Variants in PITPNM2 observed in about 807,000 individuals in gnomAD.
PITPNM2 encodes membrane-associated phosphatidylinositol transfer protein 2.
A neutral mutation model predicts 132.2 loss-of-function variants in PITPNM2; 35 were observed. The ratio of observed to expected loss-of-function variants is 0.26; its 90% confidence interval spans 0.20 to 0.35. The LOEUF (loss-of-function observed/expected upper bound fraction) is 0.35. Among genes scored for constraint, PITPNM2 ranks in the 10% least tolerant of loss-of-function variants. The pLI is 1.00. For synonymous variants in PITPNM2, 738 were observed against 799.2 expected (o/e 0.92, Z 1.29); for missense variants, 1,332 against 1,912.0 (o/e 0.70, Z 5.66).
rs2040210127 is a variant in PITPNM2 at position 123,034,647 on chromosome 12, G to A, written c.-57C>T. 6.7e-7 allele frequency: 1 copy of A among 1,503,700 alleles called. No homozygotes were observed. Among genetic ancestry groups the A allele is most frequent in the South Asian group, 1.1e-5 (1 of 88,704 alleles). The allele number at this position is 1,503,700 out of a possible 1,614,324, so 93.1% of individuals were successfully genotyped here. A position where few individuals can be genotyped will look rare whatever the true frequency, so the allele number is the denominator to read the frequency against. ...ACTGCAAGTTGGGACTTCTAGGCAAGGTTCCTTAAATAACCATGACAAAAT... is the reference window on the plus strand; with the variant it reads ...ACTGCAAGTTGGGACTTCTAGGCAAAGTTCCTTAAATAACCATGACAAAAT... On this transcript the variant is annotated 5_prime_UTR_variant, in exon 3 of 26. Coordinates refer to ENST00000320201, the MANE Select transcript of PITPNM2 (RefSeq NM_020845.3).
chr12:123,049,991 G>A (rs550158510), intron 2 of PITPNM2, among the ~76,000 whole-genome samples: 27 of 152,324 alleles, frequency 1.8e-4, no homozygotes, highest in Admixed American at 1.6e-3. Flanking sequence ...GTTCCTTAGC[G>A]CAGCTAAGAT....
chr12:123,055,325 C>T (rs1398781883), intron 2 of PITPNM2, among the ~76,000 whole-genome samples: 1 of 152,184 alleles, frequency 6.6e-6, no homozygotes, highest in Non-Finnish European at 1.5e-5. Context: ...CATGTGCAGA[C>T]TCTTTCTGCC....
At position 122,988,808 on chromosome 12, in the gene PITPNM2, C is replaced by T. The variant is rs149074091; in HGVS notation, c.2796G>A (p.Thr932=). Residue 932 remains threonine, a synonymous_variant, in exon 19 of 26, where the codon ACG becomes ACA. Transcript: ENST00000320201. ...DYALYCPDAL[T]AFPTVALPHL... ...GAGGCAGAGCCACCGTGGGGAAGGC[C>T]GTGAGGGCGTCAGGGCAGTACAGGG... The T allele has an allele frequency of 1.6e-3, 2,470 of 1,585,410 alleles. 3 individuals are homozygous for T. The highest frequency in any genetic ancestry group is 3.5e-3 in the Admixed American group (195 of 55,064).
intron 2 of PITPNM2, among the ~76,000 whole-genome samples, chr12:123,053,861 A>G (rs1246033825): frequency 6.6e-6 from 1 of 152,106 alleles, no homozygotes; most frequent in Non-Finnish European, 1.5e-5. Context: ...GACATCTTAC[A>G]AAACTACAAT....
intron 5 of PITPNM2, among the ~76,000 whole-genome samples, chr12:123,010,358 A>G (rs2039135102): frequency 6.6e-6 from 1 of 152,212 alleles, no homozygotes; most frequent in Non-Finnish European, 1.5e-5. Flanking sequence ...TGCTGAGATT[A>G]CAGGTATGAG....
At chr12:123,088,718 A>C (rs1368928827) in intron 2 of PITPNM2, 1 of 152,226 alleles carries the variant, frequency 6.6e-6, no homozygotes, top group Non-Finnish European at 1.5e-5. Flanking sequence ...GTTCAGAAAA[A>C]AAGTTTACTC....
At chr12:123,120,973 TAAA>T (rs2043021569) in intron 1 of PITPNM2, among the ~76,000 whole-genome samples, 1 of 152,210 alleles carries the variant, frequency 6.6e-6, no homozygotes. Context: ...ACTTCTTGTT[TAAA>T]CACAGAGAAA....
chr12:123,021,728 G>A, intron 3 of PITPNM2: 4 of 983,646 alleles, frequency 4.1e-6, no homozygotes, highest in Non-Finnish European at 4.8e-6. Flanking sequence ...GGAGGTGGCA[G>A]AACATGCGGG....
At chr12:123,112,823 C>A (rs1483602754) in intron 1 of PITPNM2, among the ~76,000 whole-genome samples, 1 of 152,186 alleles carries the variant, frequency 6.6e-6, no homozygotes, top group African/African-American at 2.4e-5. Context: ...CAGGCGTGAG[C>A]CACTGCACCC....
At chr12:123,122,549 A>C (rs2043053303) in intron 1 of PITPNM2, among the ~76,000 whole-genome samples, 1 of 152,232 alleles carries the variant, frequency 6.6e-6, no homozygotes, top group African/African-American at 2.4e-5. Context: ...TCCTGGTCAC[A>C]TCTGAGCTCC....
At chr12:123,107,462 C>A (rs559914153) in intron 2 of PITPNM2, among the ~76,000 whole-genome samples, 11 of 152,302 alleles carry the variant, frequency 7.2e-5, no homozygotes, top group Non-Finnish European at 1.3e-4. Flanking sequence ...CCACCCACCA[C>A]CTGCCACCCC....
At chr12:123,059,018 G>A (rs1385598884) in intron 2 of PITPNM2, among the ~76,000 whole-genome samples, 1 of 152,162 alleles carries the variant, frequency 6.6e-6, no homozygotes, top group African/African-American at 2.4e-5. Flanking sequence ...GCATCTTCAG[G>A]GCCAAGCCCA....
At chr12:123,122,319 G>A (rs1001509701) in intron 1 of PITPNM2, among the ~76,000 whole-genome samples, 3 of 152,002 alleles carry the variant, frequency 2.0e-5, no homozygotes, top group South Asian at 4.1e-4. Context: ...AAAATTAGCC[G>A]GGCGTGGTGA....
At position 122,989,849 on chromosome 12, in the gene PITPNM2, G is replaced by T. The variant is rs756263970; in HGVS notation, c.2669C>A (p.Ala890Asp). The T allele has an allele frequency of 4.3e-6, 6 of 1,391,134 alleles. No individual in the cohort carries two copies. The East Asian group carries it at 1.1e-4, about 26-fold the overall frequency. The allele number at this position is 1,391,134 out of a possible 1,614,324, so 86.2% of individuals were successfully genotyped here. ...SPTTPGPHPP[A>D]RKASPGLERA... is the part of the protein sequence containing the mutation. ...CTCCAGGCCAGGGCTTGCCTTCCTG[G>T]CTGGAGGGTGGGGGCCAGGGGTGGT... Residue 890 changes from alanine to aspartate, a missense_variant, in exon 18 of 26, where the codon GCC (alanine) becomes GAC (aspartate). This residue lies in a region of PITPNM2 where 710 missense variants were observed against 911.5 expected (regional missense o/e 0.78). Transcript: ENST00000320201.
At chr12:123,118,282 C>T (rs140431657) in intron 1 of PITPNM2, among the ~76,000 whole-genome samples, 83 of 152,284 alleles carry the variant, frequency 5.5e-4, no homozygotes, top group African/African-American at 1.9e-3. Flanking sequence ...GGATACAGAC[C>T]AGTTCTGTAC....
intron 1 of PITPNM2, among the ~76,000 whole-genome samples, chr12:123,114,837 C>T (rs925903572): frequency 6.6e-6 from 1 of 152,166 alleles, no homozygotes; most frequent in Non-Finnish European, 1.5e-5. Context: ...GTTTTGCTGC[C>T]GCTGTGATTA....
At chr12:123,142,361 CAA>C (rs1345195846) in intron 1 of PITPNM2, among the ~76,000 whole-genome samples, 1 of 152,234 alleles carries the variant, frequency 6.6e-6, no homozygotes, top group Admixed American at 6.5e-5. Context: ...TAAGCCACTT[CAA>C]AACTTTGCTT....
At chr12:123,011,844 C>G (rs2039218366) in intron 5 of PITPNM2, among the ~76,000 whole-genome samples, 1 of 152,190 alleles carries the variant, frequency 6.6e-6, no homozygotes, top group African/African-American at 2.4e-5. Flanking sequence ...GCCTCCAGAG[C>G]CCCGAGAGAA....
intron 1 of PITPNM2, among the ~76,000 whole-genome samples, chr12:123,143,204 C>T (rs1412290491): frequency 6.6e-6 from 1 of 151,366 alleles, no homozygotes; most frequent in Non-Finnish European, 1.5e-5. Context: ...CCATAACAAG[C>T]TCTCCCACTG....
Sources: allele counts gnomAD v4.1 joint callset (sites outside exome capture counted in the v4.1 genomes callset), GRCh38; gene constraint gnomAD v4.1.1; regional missense constraint gnomAD v4.1.1; transcripts MANE v1.5; gene names NCBI Gene and HGNC (gene_info 2026-07-23, HGNC 2026-07-21).